CCSER2: variants seen among roughly 807,000 people sequenced by gnomAD.
CCSER2 encodes the protein coiled-coil serine rich protein 2.
A neutral mutation model predicts 92.3 loss-of-function variants in CCSER2; 46 were observed. The ratio of observed to expected loss-of-function variants is 0.50; its 90% CI spans 0.39 to 0.64. CCSER2 has a LOEUF of 0.64. CCSER2 is among the 30% of genes least tolerant of loss of function. The pLI, the probability that CCSER2 is intolerant of heterozygous loss-of-function variation, is 0.00. For missense variants in CCSER2, 1,244 were observed against 1,238.9 expected (o/e 1.00, Z -0.06); for synonymous variants, 433 against 431.4 (o/e 1.00, Z -0.04).
In CCSER2 at chr10:84,371,799, T is replaced by C; in HGVS notation, c.747T>C (p.Asp249=). Residue 249 remains aspartate, a synonymous_variant, in exon 2 of 10, where the codon GAT becomes GAC. Coordinates refer to ENST00000372088, the MANE Select transcript of CCSER2 (RefSeq NM_001284240.2). ...CACATTCCTTTAATAGAGCTGTGGA[T>C]CTTACAAAGCCTTATCAGAACCAAC... The part of the protein sequence containing the change: ...TRSHSFNRAV[D]LTKPYQNQQL... 6.2e-7 allele frequency: 1 copy of C among 1,613,910 alleles called. No homozygotes were observed. The highest frequency in any genetic ancestry group is 8.5e-7 in the Non-Finnish European group (1 of 1,179,852).
At chr10:84,467,105 G>T (rs1846490798) in intron 7 of CCSER2, among the ~76,000 whole-genome samples, 1 of 152,122 alleles carries the variant, frequency 6.6e-6, no homozygotes, top group African/African-American at 2.4e-5. Flanking sequence ...TCCAGTTAGT[G>T]TGAAAACTTG....
chr10:84,365,346 C>A (rs962380010), intron 1 of CCSER2, among the ~76,000 whole-genome samples: 1 of 152,146 alleles, frequency 6.6e-6, no homozygotes, highest in African/African-American at 2.4e-5. Context: ...AGCAGACTCA[C>A]AATGTCTATT....
At chr10:84,385,167 A>G (rs1485040652) in intron 3 of CCSER2, among the ~76,000 whole-genome samples, 4 of 152,206 alleles carry the variant, frequency 2.6e-5, no homozygotes. Context: ...TATCATTAAA[A>G]TGACCATACT....
intron 1 of CCSER2, among the ~76,000 whole-genome samples, chr10:84,338,022 T>C (rs1362788716): frequency 1.3e-5 from 2 of 152,168 alleles, no homozygotes; most frequent in Non-Finnish European, 2.9e-5. Flanking sequence ...TGGCTCAGCC[T>C]GTAATCTCAG....
Position 84,509,594 on chromosome 10 carries a change from T to C in CCSER2, c.2326-3855T>C, listed in dbSNP as rs1431906542. ...TCAGAATGGTGTGCTGAAGTTTACA[T>C]GTATAACTAAAGTAAGACTTGAAGT... On this transcript the variant is annotated intron_variant, in intron 9 of 9. Transcript: ENST00000372088. Among the ~76,000 whole-genome samples the C allele has an allele frequency of 3.3e-5, 5 of 152,326 alleles. No individual in the cohort carries two copies. In the East Asian group the frequency reaches 9.7e-4, roughly 29 times the overall value.
chr10:84,420,984 G>A (rs1238285141), intron 4 of CCSER2, among the ~76,000 whole-genome samples: 1 of 149,316 alleles, frequency 6.7e-6, no homozygotes, highest in East Asian at 2.0e-4. Flanking sequence ...ATAATGAATT[G>A]CCACTAATTC....
chr10:84,391,872 A>AT, intron 3 of CCSER2: 4 of 1,451,216 alleles, frequency 2.8e-6, no homozygotes, highest in South Asian at 1.1e-5. Context: ...AAGATTTTAT[A>AT]TTTTTTTGTG....
chr10:84,466,382 C>G (rs1237827274), intron 7 of CCSER2, among the ~76,000 whole-genome samples: 4 of 152,174 alleles, frequency 2.6e-5, no homozygotes, highest in African/African-American at 7.2e-5. Context: ...TGATCTCTTC[C>G]AAATAGCTCT....
intron 1 of CCSER2, among the ~76,000 whole-genome samples, chr10:84,350,472 A>G (rs1844801045): frequency 6.6e-6 from 1 of 152,154 alleles, no homozygotes; most frequent in South Asian, 2.1e-4. Context: ...TATACCTAGC[A>G]CATTGCTAGG....
chr10:84,362,910 C>T (rs979334286), intron 1 of CCSER2, among the ~76,000 whole-genome samples: 15 of 152,022 alleles, frequency 9.9e-5, no homozygotes, highest in African/African-American at 3.6e-4. Flanking sequence ...AATCTCCGGT[C>T]ACTGCAACCT....
chr10:84,506,627 A>C (rs537839522), intron 9 of CCSER2, among the ~76,000 whole-genome samples: 1 of 151,748 alleles, frequency 6.6e-6, no homozygotes, highest in East Asian at 1.9e-4. Context: ...CCCCGTCTCT[A>C]CTAAAAATAC....
chr10:84,392,024 G>A (rs934784455), intron 3 of CCSER2: 30 of 1,276,302 alleles, frequency 2.4e-5, no homozygotes, highest in East Asian at 2.3e-4. Context: ...TAAAAAGAGC[G>A]TCTTGCAGCT....
chr10:84,371,267 A>G lies in CCSER2; in HGVS notation c.215A>G (p.Tyr72Cys), dbSNP rs1396500939. Residue 72 changes from tyrosine (Y) to cysteine (C), a missense_variant, in exon 2 of 10, where the codon TAT becomes TGT. Tyr to Cys is a radical substitution (Grantham distance 194). Coordinates refer to ENST00000372088, the MANE Select transcript of CCSER2 (RefSeq NM_001284240.2). ...HSFNWRKANK[Y>C]QLCAQGVEEP... ...TTTAATTGGAGGAAAGCAAATAAATATCAGCTTTGTGCACAAGGTGTCGAA... is the reference window on the plus strand; with the variant it reads ...TTTAATTGGAGGAAAGCAAATAAATGTCAGCTTTGTGCACAAGGTGTCGAA... The G allele has an allele frequency of 6.2e-7, 1 of 1,613,308 alleles. No homozygotes were observed. The highest frequency in any genetic ancestry group is 2.2e-5 in the East Asian group (1 of 44,860).
chr10:84,391,616 C>T (rs1395494260), intron 3 of CCSER2: 2 of 1,530,992 alleles, frequency 1.3e-6, no homozygotes, highest in African/African-American at 1.4e-5. Flanking sequence ...GCCTTATATT[C>T]CTATGGTGTT....
intron 1 of CCSER2, among the ~76,000 whole-genome samples, chr10:84,364,736 AT>A (rs754215030): frequency 1.3e-4 from 15 of 114,632 alleles, no homozygotes; most frequent in Admixed American, 3.3e-4. Context: ...GTATTTTTGA[AT>A]TTTTTTTTGT....
intron 9 of CCSER2, among the ~76,000 whole-genome samples, chr10:84,481,077 C>T (rs996548352): frequency 2.0e-5 from 3 of 151,878 alleles, no homozygotes; most frequent in Admixed American, 6.6e-5. Context: ...GCTTGGTGGC[C>T]GTGATGTTAG....
chr10:84,409,759 C>T (rs539371961), intron 3 of CCSER2, among the ~76,000 whole-genome samples: 2 of 152,152 alleles, frequency 1.3e-5, no homozygotes, highest in African/African-American at 4.8e-5. Flanking sequence ...TATTTTTCTT[C>T]GACTTTTATT....
intron 6 of CCSER2, among the ~76,000 whole-genome samples, chr10:84,438,980 CA>C: frequency 6.6e-6 from 1 of 152,082 alleles, no homozygotes; most frequent in Non-Finnish European, 1.5e-5. Flanking sequence ...ATAATACCTA[CA>C]TTATAAGGTT....
Position 84,372,450 on chromosome 10 carries a change from G to T in CCSER2, c.1398G>T (p.Trp466Cys). ...NEKAFSKTDEWIDISVSDRSE... is the reference protein window; with the variant it reads ...NEKAFSKTDECIDISVSDRSE... ...AAGCCTTCAGTAAAACTGATGAATG[G>T]ATAGATATAAGTGTCTCTGGTAAAT... is the stretch of plus-strand genomic sequence containing the variant. Residue 466 changes from tryptophan (W) to cysteine (C), a missense_variant, in exon 2 of 10, where the codon TGG becomes TGT. Physicochemically the swap from Trp to Cys is radical, Grantham distance 215. Coordinates refer to ENST00000372088, the MANE Select transcript of CCSER2 (RefSeq NM_001284240.2). 4 of 1,570,764 alleles carry T rather than the reference G, an allele frequency of 2.5e-6. No individual in the cohort carries two copies. The highest frequency in any genetic ancestry group is 2.0e-5 in the Admixed American group (1 of 49,180).
Sources: gnomAD v4.1 joint callset for allele counts (sites outside exome capture counted in the v4.1 genomes callset) on GRCh38, gnomAD v4.1.1 for gene constraint, MANE v1.5 for transcripts, NCBI Gene and HGNC (gene_info 2026-07-23, HGNC 2026-07-21) for gene names.